PSME4: variants seen among roughly 807,000 people sequenced by gnomAD.
PSME4 encodes the protein proteasome activator complex subunit 4.
In PSME4, 89 loss-of-function variants were observed where a neutral mutation model predicts 253.9. The observed-to-expected ratio is 0.35, with a 90% CI of 0.30 to 0.42. The LOEUF (loss-of-function observed/expected upper bound fraction) is 0.42. Among genes scored for constraint, PSME4 ranks in the 10% least tolerant of loss-of-function variants. The pLI is 1.00. For synonymous variants in PSME4, 851 were observed against 759.2 expected, an observed-to-expected ratio of 1.12 and a Z score of -1.99; for missense variants, 2,014 against 2,195.2, an observed-to-expected ratio of 0.92 and a Z score of 1.65.
chr2:53,957,837 T>G (rs534728298), intron 1 of PSME4, among the ~76,000 whole-genome samples: 46 of 152,204 alleles, frequency 3.0e-4, no homozygotes, highest in Non-Finnish European at 5.6e-4. Context: ...CAAAACTTTA[T>G]GTGCTTAATA....
chr2:53,924,042 T>C (rs1012525145), intron 14 of PSME4, among the ~76,000 whole-genome samples: 1 of 151,266 alleles, frequency 6.6e-6, no homozygotes, highest in Non-Finnish European at 1.5e-5. Context: ...GCTAATTGAA[T>C]ATAACAAAGG....
At chr2:53,929,002 C>T (rs1668694899) in intron 10 of PSME4, among the ~76,000 whole-genome samples, 2 of 152,042 alleles carry the variant, frequency 1.3e-5, no homozygotes, top group African/African-American at 4.8e-5. Flanking sequence ...CCTGCCTCTA[C>T]CATGAATACA....
rs1668570053 is a variant in PSME4, at chr2:53,926,662, C to T, written c.1594-639G>A. Among the ~76,000 whole-genome samples the T allele has an allele frequency of 3.3e-5, 5 of 152,062 alleles. No homozygotes were observed. In the South Asian group the frequency reaches 1.0e-3, roughly 31 times the overall value. On this transcript the variant is annotated intron_variant, in intron 12 of 46. Transcript: ENST00000404125. Reference sequence around the variant, plus strand: ...CACTACTGCACTCCAGCCTGGGCAACATGCTTGCAATAAAGAAAATAGTTC... The same window carrying T: ...CACTACTGCACTCCAGCCTGGGCAATATGCTTGCAATAAAGAAAATAGTTC...
intron 6 of PSME4, 116 bp from the exon 7 acceptor site, chr2:53,936,277 T>C (rs970069146): frequency 6.4e-6 from 9 of 1,411,942 alleles, no homozygotes; most frequent in African/African-American, 1.5e-5. Context: ...TCTACTTAAA[T>C]AGATAGTTTA....
At chr2:53,969,688 T>TG (rs1670944160) in intron 1 of PSME4, among the ~76,000 whole-genome samples, 1 of 39,108 alleles carries the variant, frequency 2.6e-5, no homozygotes, top group Non-Finnish European at 5.5e-5. Flanking sequence ...TTTTCACTCG[T>TG]TTTTTTTTTT....
intron 17 of PSME4, 91 bp from the exon 18 acceptor site, chr2:53,921,195 T>C (rs1396185717): frequency 4.5e-6 from 7 of 1,541,810 alleles, no homozygotes; most frequent in Middle Eastern, 2.3e-4. Context: ...GCCACTAACC[T>C]AGTGTTTCTC....
At chr2:53,903,692 A>G (rs1680515660) in intron 27 of PSME4, among the ~76,000 whole-genome samples, 1 of 152,134 alleles carries the variant, frequency 6.6e-6, no homozygotes, top group African/African-American at 2.4e-5. Flanking sequence ...CTAGCACTCA[A>G]GTTAAACAAT....
At chr2:53,908,292 G>T (rs805319) in intron 24 of PSME4, 28 bp downstream of exon 24, 1 of 1,547,382 alleles carries the variant, frequency 6.5e-7, no homozygotes, top group South Asian at 1.1e-5. Context: ...AAAACAATTA[G>T]TGCAGACTTT....
chr2:53,905,545 GA>G (rs973285095), intron 26 of PSME4, among the ~76,000 whole-genome samples: 1 of 152,006 alleles, frequency 6.6e-6, no homozygotes, highest in South Asian at 2.1e-4. Context: ...TATTAAAAAT[GA>G]AAAAAATTAG....
At position 53,936,127 on chromosome 2, in the gene PSME4, T is replaced by A; in HGVS notation, c.794A>T (p.Asp265Val). Reference protein sequence around the residue: ...LVNLFARLATDNIGYIDWDPY... With the variant: ...LVNLFARLATVNIGYIDWDPY... ...ATCCCAATCTATGTACCCTATATTA[T>A]CTGTAGCCAATCGAGCAAAGAGATT... The change falls in exon 7 of 47, where the codon GAT becomes GTT. Residue 265 changes from aspartate to valine, a missense_variant. Physicochemically the swap from Asp to Val is radical, Grantham distance 152. Around this residue, in one of 4 missense-constraint regions of PSME4, gnomAD observed 615 missense variants for 594.4 expected, o/e 1.03. Coordinates refer to ENST00000404125, the MANE Select transcript of PSME4 (RefSeq NM_014614.3). The A allele has an allele frequency of 1.2e-6, 2 of 1,613,620 alleles. No individual in the cohort carries two copies. Among genetic ancestry groups the A allele is most frequent in the Non-Finnish European group, 1.7e-6 (2 of 1,179,718 alleles).
Position 53,907,569 on chromosome 2 carries a change from G to A in PSME4, c.2785-701C>T, listed in dbSNP as rs1441947537. Among the ~76,000 whole-genome samples the A allele has an allele frequency of 2.6e-5, 4 of 152,242 alleles. No homozygotes were observed. In the East Asian group the frequency reaches 5.8e-4, roughly 22 times the overall value. ...CACAGTGGTGGCAGAGCTTTTTAAT[G>A]TTTAGTGAATTGAGTGTTGACTTTT... On this transcript the variant is annotated intron_variant, in intron 24 of 46. Coordinates refer to ENST00000404125, the MANE Select transcript of PSME4 (RefSeq NM_014614.3).
chr2:53,877,790 T>C (rs1679204558), intron 41 of PSME4, among the ~76,000 whole-genome samples: 2 of 152,206 alleles, frequency 1.3e-5, no homozygotes, highest in Non-Finnish European at 2.9e-5. Context: ...AGGAGAGCCT[T>C]TGTCATAACA....
At position 53,893,812 on chromosome 2, in the gene PSME4, A is replaced by G. The variant is rs758238697; in HGVS notation, c.3913-13T>C. On this transcript the variant is annotated splice_polypyrimidine_tract_variant and intron_variant, in intron 34 of 46. Transcript: ENST00000404125. ...TAATCTGTTCTGCCTATAAAGTTAA[A>G]AAAAGAACAATATTCAGCGTTTAAA... The G allele has an allele frequency of 3.8e-6, 6 of 1,577,506 alleles. No homozygotes were observed. Among genetic ancestry groups the G allele is most frequent in the Non-Finnish European group, 5.1e-6 (6 of 1,167,808 alleles).
At chr2:53,934,749 T>C in intron 7 of PSME4, 22 bp from the exon 8 acceptor site, 3 of 1,515,542 alleles carry the variant, frequency 2.0e-6, no homozygotes, top group Non-Finnish European at 2.7e-6. Flanking sequence ...AAAAAATAAG[T>C]AAGGATATTT....
intron 43 of PSME4, 28 bp downstream of exon 43, chr2:53,874,311 T>G: frequency 6.3e-7 from 1 of 1,592,614 alleles, no homozygotes; most frequent in East Asian, 2.2e-5. Flanking sequence ...ATTGACTGAA[T>G]TTCCGTTTTC....
chr2:53,934,626 T>G lies in PSME4; in HGVS notation c.936A>C (p.Val312=). 1 of 1,612,586 alleles carries G rather than the reference T, an allele frequency of 6.2e-7. No individual in the cohort carries two copies. Among genetic ancestry groups the G allele is most frequent in the South Asian group, 1.1e-5 (1 of 90,832 alleles). Residue 312 remains valine, a synonymous_variant, in exon 8 of 47, where the codon GTA becomes GTC. Coordinates refer to ENST00000404125, the MANE Select transcript of PSME4 (RefSeq NM_014614.3). ...LTNAYDIGHA[V]IWITAMMGGP... is the part of the protein sequence containing the mutation. The stretch of plus-strand genomic sequence containing the variant: ...AAACCATCATGGCGGTGATCCATAT[T>G]ACAGCATGTCCTATATCATAAGCAT...
intron 44 of PSME4, 114 bp downstream of exon 44, chr2:53,869,262 T>A (rs1678750976): frequency 1.9e-6 from 2 of 1,075,270 alleles, no homozygotes; most frequent in South Asian, 5.6e-5. Context: ...CTTTTCCCAA[T>A]ACCTAGCATA....
rs112038135 is a variant in PSME4 at position 53,934,225 on chromosome 2, A to G, written c.957+380T>C. Among the ~76,000 whole-genome samples the G allele has an allele frequency of 7.9e-5, 12 of 152,316 alleles. 1 individual carries two copies. The highest frequency in any genetic ancestry group is 2.6e-4 in the African/African-American group (11 of 41,562). On this transcript the variant is annotated intron_variant, in intron 8 of 46. Transcript: ENST00000404125. Reference sequence around the variant, plus strand: ...ACTTTGTTAGTAAGCTTTATGTTCAATGCAATGTTTTATGTGAATATTAAC... The same window carrying G: ...ACTTTGTTAGTAAGCTTTATGTTCAGTGCAATGTTTTATGTGAATATTAAC...
intron 28 of PSME4, 77 bp from the exon 29 acceptor site, chr2:53,900,094 G>T: frequency 1.5e-6 from 2 of 1,355,212 alleles, no homozygotes; most frequent in Non-Finnish European, 2.0e-6. Context: ...AAAATGTCAT[G>T]CTAAGTGAAA....
Sources: allele counts gnomAD v4.1 joint callset (sites outside exome capture counted in the v4.1 genomes callset), GRCh38; gene constraint gnomAD v4.1.1; regional missense constraint gnomAD v4.1.1; transcripts MANE v1.5; gene names NCBI Gene and HGNC (gene_info 2026-07-23, HGNC 2026-07-21).